The following MNX1 variants were observed in gnomAD, a reference collection of about 807,000 sequenced individuals.
The protein encoded by MNX1 is motor neuron and pancreas homeobox protein 1.
A neutral mutation model predicts 17.3 loss-of-function variants in MNX1; 2 were observed. The observed-to-expected ratio is 0.12, with a 90% CI of 0.05 to 0.36. The LOEUF (loss-of-function observed/expected upper bound fraction) is 0.36, where lower values mean the gene tolerates loss of function less well. Among genes scored for constraint, MNX1 ranks in the 10% least tolerant of loss-of-function variants. The pLI, the probability that MNX1 is intolerant of heterozygous loss-of-function variation, is 1.00. For missense variants in MNX1, 556 were observed against 564.7 expected, an observed-to-expected ratio of 0.98 and a Z score of 0.16; for synonymous variants, 306 against 283.1, an observed-to-expected ratio of 1.08 and a Z score of -0.81.
chr7:157,006,603 C>T lies in MNX1; in HGVS notation c.728G>A (p.Arg243Gln), dbSNP rs1441089574. The T allele has an allele frequency of 6.2e-7, 1 of 1,602,804 alleles. No individual in the cohort carries two copies. Among genetic ancestry groups the T allele is most frequent in the African/African-American group, 1.3e-5 (1 of 74,942 alleles). Reference sequence around the variant, plus strand: ...CTGGCTGGTGAAGGCGGTGCGCGGCCGGCGGCACTTCCCCAGGAGGTTCGA... The same window carrying T: ...CTGGCTGGTGAAGGCGGTGCGCGGCTGGCGGCACTTCCCCAGGAGGTTCGA... ...AQSNLLGKCR[R>Q]PRTAFTSQQL... Residue 243 changes from arginine to glutamine, a missense_variant, in exon 2 of 3, where the codon CGG (arginine) becomes CAG (glutamine). Around this residue, in one of 7 missense-constraint regions of MNX1, gnomAD observed 210 missense variants for 211.3 expected, o/e 0.99. Transcript: ENST00000252971. This position sits in a 1 kb window ranked among gnomAD's most constrained non-coding sequence, Gnocchi z 6.3.
In MNX1 at chr7:157,006,059, A is replaced by C. The variant is rs910564813; in HGVS notation, c.853-186T>G. ...TCCTCCTCCCCGCAACCCCCCACTC[A>C]GCAGCAAACCCCAGAGCTGGGCTGG... On this transcript the variant is annotated intron_variant, in intron 2 of 2. Coordinates refer to ENST00000252971, the MANE Select transcript of MNX1 (RefSeq NM_005515.4). The surrounding 1 kb of genome is among the most constrained non-coding windows in gnomAD (Gnocchi z 6.3). 2.0e-5 allele frequency among the ~76,000 whole-genome samples: 3 copies of C among 152,124 alleles called. No homozygotes were observed. The highest frequency in any genetic ancestry group is 7.2e-5 in the African/African-American group (3 of 41,436).
Position 157,010,453 on chromosome 7 carries a change from T to G in MNX1, c.-103A>C. 2.6e-6 allele frequency: 2 copies of G among 757,624 alleles called. No homozygotes were observed. The highest frequency in any genetic ancestry group is 5.5e-5 in the South Asian group (2 of 36,452). The allele number at this position is 757,624 out of a possible 1,614,324, so 46.9% of individuals were successfully genotyped here. Reference sequence around the variant, plus strand: ...CGGTGCAAGCCCGGGGGCTCGGTATTGTTATGGTGGTTATTTGCCAATAAT... The same window carrying G: ...CGGTGCAAGCCCGGGGGCTCGGTATGGTTATGGTGGTTATTTGCCAATAAT... On this transcript the variant is annotated 5_prime_UTR_variant, in exon 1 of 3. Transcript: ENST00000252971.
chr7:157,009,475 T>TTC (rs1434538396), intron 1 of MNX1, 185 bp downstream of exon 1: 4 of 1,433,802 alleles, frequency 2.8e-6, no homozygotes, highest in Non-Finnish European at 3.6e-6. Context: ...ATTTTAATAA[T>TTC]TCGCTGCCCG....
chr7:157,008,358 C>T (rs1460079600), intron 1 of MNX1: 3 of 152,408 alleles, frequency 2.0e-5, no homozygotes, highest in South Asian at 2.1e-4. Context: ...GCAGGGGATT[C>T]GCAGACGCAG....
rs1368718780 is a variant in MNX1, at chr7:157,005,622, G to A, written c.1104C>T (p.Phe368=). The change falls in exon 3 of 3, where the codon TTC becomes TTT. Residue 368 remains phenylalanine (F), a synonymous_variant. Coordinates refer to ENST00000252971, the MANE Select transcript of MNX1 (RefSeq NM_005515.4). ...EDEDEDDEDH[F]PYSNGASVHA... ...GGACGCTGGCGCCGTTGCTGTAGGG[G>A]AAATGGTCCTCGTCGTCCTCGTCCT... 1 of 1,609,002 alleles carries A rather than the reference G, an allele frequency of 6.2e-7. No individual in the cohort carries two copies. The highest frequency in any genetic ancestry group is 8.5e-7 in the Non-Finnish European group (1 of 1,178,614).
In MNX1 at chr7:157,006,729, C is replaced by T. The variant is rs1805607300; in HGVS notation, c.692-90G>A. ...CTGCTTGTACCACTACACTCAAGGC[C>T]CCAGCGCCAAGGCCTGGCCCTGCAG... On this transcript the variant is annotated intron_variant, in intron 1 of 2. Coordinates refer to ENST00000252971, the MANE Select transcript of MNX1 (RefSeq NM_005515.4). The surrounding 1 kb of genome is among the most constrained non-coding windows in gnomAD (Gnocchi z 6.3). The T allele has an allele frequency of 1.4e-6, 2 of 1,403,870 alleles. No individual in the cohort carries two copies. The highest frequency in any genetic ancestry group is 1.9e-6 in the Non-Finnish European group (2 of 1,046,972). 87.0% of individuals were successfully genotyped at this position (1,403,870 alleles called of 1,614,324 possible). A position where few individuals can be genotyped will look rare whatever the true frequency, so the allele number is the denominator to read the frequency against.
Position 157,006,373 on chromosome 7 carries a change from TCGAGGC to T in MNX1, c.852+100_852+105del, listed in dbSNP as rs749135552. 19 of 1,310,198 alleles carry T rather than the reference TCGAGGC, an allele frequency of 1.5e-5. No homozygotes were observed. The highest frequency in any genetic ancestry group is 2.3e-5 in the Admixed American group (1 of 42,742). The allele number at this position is 1,310,198 out of a possible 1,614,324, so 81.2% of individuals were successfully genotyped here. A position where few individuals can be genotyped will look rare whatever the true frequency, so the allele number is the denominator to read the frequency against. ...ACCCGTGCGCCCGCCGTCTGAACCG[TCGAGGC>T]GCAGCGCTAGATGCCTCAGACCGCC... On this transcript the variant is annotated intron_variant, in intron 2 of 2. Coordinates refer to ENST00000252971, the MANE Select transcript of MNX1 (RefSeq NM_005515.4). This position sits in a 1 kb window ranked among gnomAD's most constrained non-coding sequence, Gnocchi z 6.3.
chr7:157,007,606 A>C (rs143019230), intron 1 of MNX1: 1 of 152,368 alleles, frequency 6.6e-6, no homozygotes, highest in South Asian at 2.1e-4. Flanking sequence ...CTGTGTGTTC[A>C]AGGAGGCCTG....
Position 157,010,287 on chromosome 7 carries a change from A to T in MNX1, c.64T>A (p.Ser22Thr). 1 of 1,564,924 alleles carries T rather than the reference A, an allele frequency of 6.4e-7. No homozygotes were observed. Residue 22 changes from serine (S) to threonine (T), a missense_variant, in exon 1 of 3, where the codon TCT becomes ACT. By Grantham distance (58) the Ser-to-Thr change is moderately conservative. Around this residue, in one of 7 missense-constraint regions of MNX1, gnomAD observed 45 missense variants for 42.0 expected, o/e 1.07. Coordinates refer to ENST00000252971, the MANE Select transcript of MNX1 (RefSeq NM_005515.4). ...AAGGCCAGCGGCGCGCTCTGCGCAG[A>T]GGCGGCTCGTGGGGGGTCCACCGCC... ...LLAVDPPRAASAQSAPLALVT... is the reference protein window; with the variant it reads ...LLAVDPPRAATAQSAPLALVT...
rs1198131996 is a variant in MNX1 at position 157,005,998 on chromosome 7, C to G, written c.853-125G>C. ...GCCCTGGAATGGCCTCAGGGTGAGA[C>G]GACTTAGAAGCAGAATGGGGAGGGG... On this transcript the variant is annotated intron_variant, in intron 2 of 2. Coordinates refer to ENST00000252971, the MANE Select transcript of MNX1 (RefSeq NM_005515.4). 4 of 1,081,140 alleles carry G rather than the reference C, an allele frequency of 3.7e-6. No homozygotes were observed. The African/African-American group carries it at 4.7e-5, about 13-fold the overall frequency. The allele number at this position is 1,081,140 out of a possible 1,614,324, so 67.0% of individuals were successfully genotyped here.
In MNX1 at chr7:157,010,053, C is replaced by G; in HGVS notation, c.298G>C (p.Gly100Arg). The G allele has an allele frequency of 5.0e-6, 5 of 999,842 alleles. No individual in the cohort carries two copies. Among genetic ancestry groups the G allele is most frequent in the Non-Finnish European group, 5.9e-6 (5 of 841,384 alleles). 61.9% of individuals were successfully genotyped at this position (999,842 alleles called of 1,614,324 possible). Residue 100 changes from glycine (G) to arginine (R), a missense_variant, in exon 1 of 3, where the codon GGC (glycine) becomes CGC (arginine). Around this residue, in one of 7 missense-constraint regions of MNX1, gnomAD observed 115 missense variants for 103.5 expected, o/e 1.11. Transcript: ENST00000252971. ...LLPKPGFLGA[G>R]GGGGGTGGGH... ...CCGCCCGTGCCGCCGCCGCCGCCGC[C>G]CGCGCCCAGGAAGCCCGGCTTGGGC...
At position 157,005,141 on chromosome 7, in the gene MNX1, CCTT is replaced by C. The variant is rs1317222649; in HGVS notation, c.*376_*378del. On this transcript the variant is annotated 3_prime_UTR_variant, in exon 3 of 3. Coordinates refer to ENST00000252971, the MANE Select transcript of MNX1 (RefSeq NM_005515.4). Reference sequence around the variant, plus strand: ...AGTCAGGTAACACTGTGGGTTTCCGCCTTCTCGGACGCGGGGAAAGGGGAGACA... The same window carrying C: ...AGTCAGGTAACACTGTGGGTTTCCGCCTCGGACGCGGGGAAAGGGGAGACA... 4.3e-6 allele frequency: 1 copy of C among 230,746 alleles called. No individual in the cohort carries two copies. Among genetic ancestry groups the C allele is most frequent in the African/African-American group, 2.2e-5 (1 of 44,976 alleles). The allele number at this position is 230,746 out of a possible 1,614,324, so 14.3% of individuals were successfully genotyped here. A position where few individuals can be genotyped will look rare whatever the true frequency, so the allele number is the denominator to read the frequency against.
In MNX1 at chr7:157,005,518, T is replaced by A. The variant is rs1273723431; in HGVS notation, c.*2A>T. The A allele has an allele frequency of 1.4e-6, 2 of 1,465,876 alleles. No individual in the cohort carries two copies. The highest frequency in any genetic ancestry group is 1.8e-6 in the Non-Finnish European group (2 of 1,114,168). The allele number at this position is 1,465,876 out of a possible 1,614,324, so 90.8% of individuals were successfully genotyped here. A position where few individuals can be genotyped will look rare whatever the true frequency, so the allele number is the denominator to read the frequency against. On this transcript the variant is annotated 3_prime_UTR_variant, in exon 3 of 3. Coordinates refer to ENST00000252971, the MANE Select transcript of MNX1 (RefSeq NM_005515.4). ...CGCCGCACCTGCTGGGCCGCGGGGC[T>A]CCTACTGGGGCGCGGGCTGGTGGCT...
intron 2 of MNX1, 28 bp from the exon 3 acceptor site, chr7:157,005,901 C>T: frequency 6.2e-7 from 1 of 1,607,888 alleles, no homozygotes; most frequent in Non-Finnish European, 8.5e-7. Flanking sequence ...CGTGAGAAAC[C>T]GGCCACCGCC....
At chr7:157,009,624 C>T (rs568829164) in intron 1 of MNX1, 36 bp downstream of exon 1, 12 of 1,598,486 alleles carry the variant, frequency 7.5e-6, no homozygotes, top group Middle Eastern at 4.5e-4. Context: ...GAGGCCCTCC[C>T]GCCACGCGCA....
Position 157,009,878 on chromosome 7 carries a change from A to T in MNX1, c.473T>A (p.Leu158His). 6.9e-7 allele frequency: 1 copy of T among 1,443,326 alleles called. No individual in the cohort carries two copies. Among genetic ancestry groups the T allele is most frequent in the Non-Finnish European group, 9.1e-7 (1 of 1,104,550 alleles). The allele number at this position is 1,443,326 out of a possible 1,614,324, so 89.4% of individuals were successfully genotyped here. The change falls in exon 1 of 3, where the codon CTC (leucine) becomes CAC (histidine). Residue 158 changes from leucine to histidine, a missense_variant. This residue lies in a region of MNX1 where 210 missense variants were observed against 211.3 expected (regional missense o/e 0.99). Transcript: ENST00000252971. ...GGAGLPAQAA[L>H]YGHPVYGYSA... ...GTAGCCGTAGACCGGGTGGCCGTAG[A>T]GCGCCGCCTGCGCCGGGAGGCCCGC...
Position 157,005,380 on chromosome 7 carries a change from G to A in MNX1, c.*140C>T, listed in dbSNP as rs1455199718. ...GCCGCGGCCGAATCCCTCCAGCCCC[G>A]GCCTGGGCGAGGGGTCCATGGGGCG... On this transcript the variant is annotated 3_prime_UTR_variant, in exon 3 of 3. Coordinates refer to ENST00000252971, the MANE Select transcript of MNX1 (RefSeq NM_005515.4). The A allele has an allele frequency of 2.0e-6, 1 of 497,712 alleles. No homozygotes were observed. The allele number at this position is 497,712 out of a possible 1,614,324, so 30.8% of individuals were successfully genotyped here. A position where few individuals can be genotyped will look rare whatever the true frequency, so the allele number is the denominator to read the frequency against.
At position 157,009,860 on chromosome 7, in the gene MNX1, T is replaced by C. The variant is rs1173819303; in HGVS notation, c.491A>G (p.Tyr164Cys). ...AQAALYGHPV[Y>C]GYSAAAAAAA... ...CGCCGCCGCCGCCGCGGAGTAGCCG[T>C]AGACCGGGTGGCCGTAGAGCGCCGC... Residue 164 changes from tyrosine (Y) to cysteine (C), a missense_variant, in exon 1 of 3, where the codon TAC becomes TGC. Tyr to Cys is a radical substitution (Grantham distance 194, BLOSUM62 -2). Transcript: ENST00000252971. 2 of 1,488,212 alleles carry C rather than the reference T, an allele frequency of 1.3e-6. No homozygotes were observed. Among genetic ancestry groups the C allele is most frequent in the Non-Finnish European group, 1.8e-6 (2 of 1,127,422 alleles). The allele number at this position is 1,488,212 out of a possible 1,614,324, so 92.2% of individuals were successfully genotyped here.
Position 157,005,008 on chromosome 7 carries a change from C to A in MNX1, c.*512G>T, listed in dbSNP as rs191674267. The A allele has an allele frequency of 9.0e-6, 2 of 221,674 alleles. No homozygotes were observed. The highest frequency in any genetic ancestry group is 1.3e-4 in the East Asian group (2 of 15,330). The allele number at this position is 221,674 out of a possible 1,614,324, so 13.7% of individuals were successfully genotyped here. On this transcript the variant is annotated 3_prime_UTR_variant, in exon 3 of 3. Transcript: ENST00000252971. ...GTTTTGAGATTTCCAGCAGTTTGAA[C>A]GCTCGTGACATAATCCCCCCGACCC...
Sources: allele counts gnomAD v4.1 joint callset (sites outside exome capture counted in the v4.1 genomes callset), GRCh38; gene constraint gnomAD v4.1.1; regional missense constraint gnomAD v4.1.1; non-coding constraint Gnocchi (gnomAD v3.1); transcripts MANE v1.5; gene names NCBI Gene and HGNC (gene_info 2026-07-23, HGNC 2026-07-21).